Variants in DIS3L2 observed in about 807,000 individuals in gnomAD.
DIS3L2 encodes DIS3 like 3'-5' exoribonuclease 2, also known as DIS3-like exonuclease 2.
DIS3L2 carries 34 observed loss-of-function variants against 97.5 expected under a neutral mutation model. The observed-to-expected ratio is 0.35, with a 90% CI of 0.27 to 0.46. The LOEUF (loss-of-function observed/expected upper bound fraction) is 0.46. Ranked by LOEUF, DIS3L2 falls within the 20% of genes least tolerant of loss-of-function variation. DIS3L2 has a pLI of 1.00. For synonymous variants in DIS3L2, 435 were observed against 445.2 expected, an observed-to-expected ratio of 0.98 and a Z score of 0.29; for missense variants, 1,038 against 1,146.0, an observed-to-expected ratio of 0.91 and a Z score of 1.36.
intron 13 of DIS3L2, among the ~76,000 whole-genome samples, chr2:232,286,619 T>C (rs1694442037): frequency 6.6e-6 from 1 of 152,176 alleles, no homozygotes; most frequent in Non-Finnish European, 1.5e-5. Context: ...ATCAAGAACA[T>C]CATTGAGTTT....
chr2:232,334,330 C>G (rs1368762588), intron 17 of DIS3L2, 39 bp from the exon 18 acceptor site: 1 of 1,606,388 alleles, frequency 6.2e-7, no homozygotes, highest in Non-Finnish European at 8.5e-7. Context: ...TTCCCAGCCC[C>G]CCAGGCTCCC....
intron 6 of DIS3L2, among the ~76,000 whole-genome samples, chr2:232,093,353 T>A (rs1002073561): frequency 1.1e-4 from 17 of 152,206 alleles, no homozygotes; most frequent in African/African-American, 3.4e-4. Flanking sequence ...TAGTTTTTTT[T>A]AAATATATGT....
intron 14 of DIS3L2, among the ~76,000 whole-genome samples, chr2:232,304,857 C>A (rs1449344444): frequency 6.6e-6 from 1 of 152,036 alleles, no homozygotes; most frequent in Admixed American, 6.6e-5. Flanking sequence ...AAATTTTTAT[C>A]TATTATCTTT....
chr2:232,046,599 G>A (rs187112450), intron 5 of DIS3L2, among the ~76,000 whole-genome samples: 149 of 152,228 alleles, frequency 9.8e-4, no homozygotes, highest in Non-Finnish European at 1.9e-3. Flanking sequence ...TAATTATAAC[G>A]AATTCTTTGT....
At chr2:232,185,424 A>G (rs1691405596) in intron 9 of DIS3L2, among the ~76,000 whole-genome samples, 1 of 152,266 alleles carries the variant, frequency 6.6e-6, no homozygotes, top group African/African-American at 2.4e-5. Context: ...ACAACATATT[A>G]AAATATGTGA....
chr2:232,096,118 G>A (rs1321489219), intron 6 of DIS3L2, among the ~76,000 whole-genome samples: 8 of 143,626 alleles, frequency 5.6e-5, no homozygotes, highest in East Asian at 2.1e-4. Context: ...ACAGAGTCTC[G>A]CTCTGTCGCC....
chr2:232,294,571 CTTTTTGGATCTTG>C (rs998299326), intron 13 of DIS3L2, among the ~76,000 whole-genome samples: 70 of 152,278 alleles, frequency 4.6e-4, no homozygotes, highest in African/African-American at 1.5e-3. Flanking sequence ...TCCTTGACTT[CTTTTTGGATCTTG>C]TTTTTGACCA....
At chr2:232,222,957 G>C (rs1343236942) in intron 10 of DIS3L2, among the ~76,000 whole-genome samples, 1 of 152,198 alleles carries the variant, frequency 6.6e-6, no homozygotes, top group African/African-American at 2.4e-5. Context: ...TGGAGAGGCA[G>C]CTCCACCCTC....
intron 9 of DIS3L2, among the ~76,000 whole-genome samples, chr2:232,194,937 G>A (rs898636256): frequency 3.3e-5 from 5 of 152,086 alleles, no homozygotes; most frequent in Non-Finnish European, 5.9e-5. Flanking sequence ...GAAACTCTCT[G>A]AAACAAACAG....
At chr2:232,006,488 C>T (rs1379900106) in intron 1 of DIS3L2, among the ~76,000 whole-genome samples, 1 of 151,990 alleles carries the variant, frequency 6.6e-6, no homozygotes, top group Non-Finnish European at 1.5e-5. Context: ...ATAATGATGT[C>T]ATTAATCTGG....
At chr2:232,008,867 T>C (rs1278643363) in intron 1 of DIS3L2, among the ~76,000 whole-genome samples, 5 of 152,222 alleles carry the variant, frequency 3.3e-5, no homozygotes, top group African/African-American at 4.8e-5. Context: ...TGAGACTCCT[T>C]ATTACAATTC....
chr2:232,171,596 A>G (rs1449327412), intron 9 of DIS3L2, among the ~76,000 whole-genome samples: 2 of 152,188 alleles, frequency 1.3e-5, no homozygotes, highest in African/African-American at 2.4e-5. Flanking sequence ...TTCGATGGCC[A>G]AGGGAACCCC....
intron 9 of DIS3L2, among the ~76,000 whole-genome samples, chr2:232,195,275 G>GGGTT (rs1248472422): frequency 8.5e-5 from 13 of 152,272 alleles, no homozygotes; most frequent in African/African-American, 3.1e-4. Flanking sequence ...ACAGCCCAAT[G>GGGTT]GGTTCTTCTT....
intron 12 of DIS3L2, among the ~76,000 whole-genome samples, chr2:232,256,762 C>A (rs1351140825): frequency 6.6e-6 from 1 of 151,832 alleles, no homozygotes; most frequent in Non-Finnish European, 1.5e-5. Flanking sequence ...GCAGGAGGAT[C>A]ACTTGATCAG....
chr2:232,271,558 G>T (rs114258508), intron 13 of DIS3L2, among the ~76,000 whole-genome samples: 3,162 of 152,304 alleles, frequency 0.021, 101 homozygotes, highest in African/African-American at 0.071. Flanking sequence ...TAGAGTCAGC[G>T]AGGCTTGAAG....
intron 14 of DIS3L2, among the ~76,000 whole-genome samples, chr2:232,316,688 T>A (rs1298248362): frequency 6.6e-6 from 1 of 152,244 alleles, no homozygotes; most frequent in Non-Finnish European, 1.5e-5. Context: ...TCTGCCTATT[T>A]CCTGGTTCTG....
At chr2:231,966,171 C>CT (rs59059695) in intron 1 of DIS3L2, among the ~76,000 whole-genome samples, 18,095 of 140,430 alleles carry the variant, frequency 0.13, 1,910 homozygotes, top group African/African-American at 0.28. Flanking sequence ...TCTTCTTCTT[C>CT]TTTTTTTTTT....
intron 8 of DIS3L2, among the ~76,000 whole-genome samples, chr2:232,161,308 C>T (rs1370200714): frequency 1.3e-5 from 2 of 152,056 alleles, no homozygotes; most frequent in East Asian, 1.9e-4. Context: ...AGTTTTTTAA[C>T]GTAGAAGCTT....
chr2:232,334,575 T>G (rs1229469597), intron 18 of DIS3L2, 56 bp from the exon 19 acceptor site: 149 of 1,602,182 alleles, frequency 9.3e-5, no homozygotes, highest in Non-Finnish European at 1.2e-4. Context: ...CCAGGAGGCC[T>G]CGAGGAGCCC....
Sources: allele counts gnomAD v4.1 joint callset (sites outside exome capture counted in the v4.1 genomes callset), GRCh38; gene constraint gnomAD v4.1.1; transcripts MANE v1.5; gene names NCBI Gene and HGNC (gene_info 2026-07-23, HGNC 2026-07-21).